The following CLEC16A variants were observed in gnomAD, a reference collection of about 807,000 sequenced individuals.
The protein encoded by CLEC16A is protein CLEC16A.
CLEC16A carries 51 observed loss-of-function variants against 109.5 expected under a neutral mutation model. The observed-to-expected ratio is 0.47, with a 90% CI of 0.37 to 0.59. CLEC16A has a LOEUF of 0.59. Among genes scored for constraint, CLEC16A ranks in the 20% least tolerant of loss-of-function variants. The pLI is 0.00. For missense variants in CLEC16A, 1,339 were observed against 1,394.0 expected, an observed-to-expected ratio of 0.96 and a Z score of 0.63; for synonymous variants, 673 against 564.2, an observed-to-expected ratio of 1.19 and a Z score of -2.73.
chr16:10,994,774 G>C (rs577463177), intron 10 of CLEC16A, among the ~76,000 whole-genome samples: 45 of 152,334 alleles, frequency 3.0e-4, no homozygotes, highest in African/African-American at 8.4e-4. Context: ...CACCTGTTGA[G>C]TGATGCATAA....
chr16:11,134,778 G>A (rs928892430), intron 22 of CLEC16A, among the ~76,000 whole-genome samples: 8 of 152,154 alleles, frequency 5.3e-5, no homozygotes, highest in African/African-American at 1.2e-4. Flanking sequence ...GAGCTACTTC[G>A]CATGGCAGCT....
chr16:10,994,436 C>G (rs1012890761), intron 10 of CLEC16A, among the ~76,000 whole-genome samples: 4 of 152,214 alleles, frequency 2.6e-5, no homozygotes, highest in Non-Finnish European at 5.9e-5. Context: ...AACAGGTTCA[C>G]TCTGCTGCAC....
At chr16:11,021,496 A>T (rs2046095184) in intron 12 of CLEC16A, among the ~76,000 whole-genome samples, 1 of 152,214 alleles carries the variant, frequency 6.6e-6, no homozygotes, top group Non-Finnish European at 1.5e-5. Flanking sequence ...AGGAAGAGGT[A>T]TCTGCTTAAT....
intron 19 of CLEC16A, among the ~76,000 whole-genome samples, chr16:11,076,680 C>T (rs2049393248): frequency 6.6e-6 from 1 of 152,200 alleles, no homozygotes; most frequent in Admixed American, 6.5e-5. Flanking sequence ...AATCTCTGAA[C>T]CAGTGACAGA....
At chr16:11,045,838 C>T (rs963764349) in intron 16 of CLEC16A, among the ~76,000 whole-genome samples, 6 of 152,148 alleles carry the variant, frequency 3.9e-5, no homozygotes, top group South Asian at 4.1e-4. Flanking sequence ...TTGCAGGAAT[C>T]GTTTTAAGCG....
chr16:10,998,131 A>G (rs1197792762), intron 10 of CLEC16A, among the ~76,000 whole-genome samples: 2 of 152,148 alleles, frequency 1.3e-5, no homozygotes, highest in East Asian at 1.9e-4. Context: ...ACCTTTCCCA[A>G]AGTGTTTGAC....
intron 19 of CLEC16A, among the ~76,000 whole-genome samples, chr16:11,104,035 C>T (rs2051075223): frequency 6.6e-6 from 1 of 152,136 alleles, no homozygotes; most frequent in African/African-American, 2.4e-5. Context: ...ACCAGGATCC[C>T]CCACAGATGT....
chr16:11,180,277 G>A lies in CLEC16A; in HGVS notation c.*1587G>A, dbSNP rs926617058. 1 of 152,442 alleles carries A rather than the reference G, an allele frequency of 6.6e-6. No individual in the cohort carries two copies. Among genetic ancestry groups the A allele is most frequent in the African/African-American group, 2.4e-5 (1 of 41,474 alleles). 9.4% of individuals were successfully genotyped at this position (152,442 alleles called of 1,614,324 possible). ...CACAGTCCTGCCAAGGAGGGGGAGT[G>A]GCGCCCATGGGGACAGGCCTCAGTC... On this transcript the variant is annotated 3_prime_UTR_variant, in exon 24 of 24. Coordinates refer to ENST00000409790, the MANE Select transcript of CLEC16A (RefSeq NM_015226.3).
chr16:11,027,318 G>T (rs951809887), intron 13 of CLEC16A: 4 of 1,456,728 alleles, frequency 2.7e-6, no homozygotes, highest in Non-Finnish European at 3.8e-6. Flanking sequence ...GATTGATGGC[G>T]TGAGTTTACT....
At chr16:10,997,042 G>A (rs998516281) in intron 10 of CLEC16A, among the ~76,000 whole-genome samples, 2 of 152,208 alleles carry the variant, frequency 1.3e-5, no homozygotes, top group Non-Finnish European at 2.9e-5. Context: ...GCTCACTGCA[G>A]CCTCAACCTT....
intron 19 of CLEC16A, among the ~76,000 whole-genome samples, chr16:11,075,410 G>GTA (rs71136612): frequency 0.02 from 1,958 of 99,584 alleles, 25 homozygotes; most frequent in Non-Finnish European, 0.026. Flanking sequence ...GTGTGTGTGT[G>GTA]TCTGTGTGTG....
In CLEC16A at chr16:11,174,559, G is replaced by T. The variant is rs2068667447; in HGVS notation, c.2807-3776G>T. ...CAGACCTGTACAGCCTGGAAACGCT[G>T]TCCTTCTCTGTGACATGTGCACCAG... On this transcript the variant is annotated intron_variant, in intron 23 of 23. Transcript: ENST00000409790. The surrounding 1 kb of genome is among the most constrained non-coding windows in gnomAD (Gnocchi z 4.7). 6.6e-6 allele frequency among the ~76,000 whole-genome samples: 1 copy of T among 152,364 alleles called. No homozygotes were observed. Among genetic ancestry groups the T allele is most frequent in the African/African-American group, 2.4e-5 (1 of 41,584 alleles).
At chr16:11,114,320 T>A (rs1413323288) in intron 19 of CLEC16A, among the ~76,000 whole-genome samples, 1 of 152,190 alleles carries the variant, frequency 6.6e-6, no homozygotes, top group Non-Finnish European at 1.5e-5. Context: ...GATAATTTTC[T>A]TAATAGAATC....
chr16:10,980,448 A>G (rs1253329162), intron 9 of CLEC16A, among the ~76,000 whole-genome samples: 2 of 151,920 alleles, frequency 1.3e-5, no homozygotes, highest in African/African-American at 2.4e-5. Context: ...TGAGAGTCCA[A>G]CAGGACCCAA....
intron 3 of CLEC16A, 114 bp from the exon 4 acceptor site, chr16:10,969,047 C>A: frequency 1.2e-6 from 1 of 806,974 alleles, no homozygotes; most frequent in Non-Finnish European, 1.9e-6. Flanking sequence ...GTGTTTAATC[C>A]CAGCAACCCA....
chr16:11,026,132 T>G (rs2046391358), intron 13 of CLEC16A, among the ~76,000 whole-genome samples: 1 of 152,230 alleles, frequency 6.6e-6, no homozygotes, highest in Admixed American at 6.5e-5. Context: ...TGGTCTGTAG[T>G]CTTCTTGTAA....
intron 19 of CLEC16A, among the ~76,000 whole-genome samples, chr16:11,086,158 T>C (rs2049997170): frequency 6.6e-6 from 1 of 152,196 alleles, no homozygotes; most frequent in African/African-American, 2.4e-5. Context: ...CTTCCTTGGC[T>C]TCTGGGGTGT....
intron 22 of CLEC16A, among the ~76,000 whole-genome samples, chr16:11,151,759 C>T (rs1026880207): frequency 2.0e-5 from 3 of 152,192 alleles, no homozygotes; most frequent in Non-Finnish European, 4.4e-5. Flanking sequence ...AAGCTCATGG[C>T]AGCCTGCACC....
intron 10 of CLEC16A, among the ~76,000 whole-genome samples, chr16:10,983,439 G>C (rs2043442083): frequency 6.6e-6 from 1 of 152,250 alleles, no homozygotes; most frequent in Non-Finnish European, 1.5e-5. Flanking sequence ...ACCCCAGGCT[G>C]CTGCTGTTCT....
Sources: gnomAD v4.1 joint callset for allele counts (sites outside exome capture counted in the v4.1 genomes callset) on GRCh38, gnomAD v4.1.1 for gene constraint, Gnocchi (gnomAD v3.1) non-coding constraint, MANE v1.5 for transcripts, NCBI Gene and HGNC (gene_info 2026-07-23, HGNC 2026-07-21) for gene names.